The following PAK1 variants were observed in gnomAD, a reference collection of about 807,000 sequenced individuals.
PAK1 encodes serine/threonine-protein kinase PAK 1.
A neutral mutation model predicts 67.4 loss-of-function variants in PAK1; 29 were observed. The ratio of observed to expected loss-of-function variants is 0.43; its 90% CI spans 0.32 to 0.59. PAK1 has a LOEUF of 0.59. Among genes scored for constraint, PAK1 ranks in the 20% least tolerant of loss-of-function variants. The pLI, the probability that PAK1 is intolerant of heterozygous loss-of-function variation, is 0.07. For synonymous variants in PAK1, 223 were observed against 237.4 expected (o/e 0.94, Z 0.56); for missense variants, 337 against 670.7 (o/e 0.50, Z 5.50).
At chr11:77,355,566 G>A in intron 7 of PAK1, 102 bp downstream of exon 7, 1 of 919,606 alleles carries the variant, frequency 1.1e-6, no homozygotes, top group South Asian at 1.5e-5. Flanking sequence ...AAGGTACCAA[G>A]CATGGCCAGC....
At chr11:77,375,808 G>GA (rs1726544252) in intron 4 of PAK1, among the ~76,000 whole-genome samples, 1 of 152,084 alleles carries the variant, frequency 6.6e-6, no homozygotes, top group South Asian at 2.1e-4. Flanking sequence ...TAGAATTAAG[G>GA]AGGGGAAATA....
chr11:77,395,798 T>C (rs1226903795), intron 1 of PAK1, among the ~76,000 whole-genome samples: 1 of 152,230 alleles, frequency 6.6e-6, no homozygotes, highest in Non-Finnish European at 1.5e-5. Flanking sequence ...AGGACAATCT[T>C]GTTAATGCAG....
the PAK1 span, among the ~76,000 whole-genome samples, chr11:77,484,383 T>G: frequency 6.6e-6 from 1 of 152,288 alleles, no homozygotes; most frequent in African/African-American, 2.4e-5. Context: ...GATTGTTCAT[T>G]AAGCAATATA....
At chr11:77,482,471 C>A in the PAK1 span, among the ~76,000 whole-genome samples, 2 of 152,234 alleles carry the variant, frequency 1.3e-5, no homozygotes, top group East Asian at 1.9e-4. Context: ...GTGTCTCCAT[C>A]CTCCTCCAAA....
At chr11:77,458,765 G>C (rs760383227) in intron 1 of PAK1, among the ~76,000 whole-genome samples, 12 of 152,178 alleles carry the variant, frequency 7.9e-5, no homozygotes, top group Non-Finnish European at 2.9e-5. Flanking sequence ...AGGACGGAGA[G>C]AGTACTACGA....
intron 14 of PAK1, chr11:77,329,173 A>G (rs1940817009): frequency 6.6e-6 from 1 of 152,326 alleles, no homozygotes; most frequent in Admixed American, 6.5e-5. Flanking sequence ...GTCCAGGACC[A>G]GATGGATTCA....
chr11:77,485,842 C>G, the PAK1 span, among the ~76,000 whole-genome samples: 4 of 152,202 alleles, frequency 2.6e-5, no homozygotes, highest in Non-Finnish European at 4.4e-5. Context: ...CATTCTGATT[C>G]TTCGGTTGCA....
At chr11:77,383,222 G>C (rs893865382) in intron 2 of PAK1, among the ~76,000 whole-genome samples, 1 of 152,142 alleles carries the variant, frequency 6.6e-6, no homozygotes, top group South Asian at 2.1e-4. Flanking sequence ...GATTAGACGC[G>C]GAGTACAAGA....
At chr11:77,342,154 AC>A (rs562681267) in intron 10 of PAK1, among the ~76,000 whole-genome samples, 227 of 152,270 alleles carry the variant, frequency 1.5e-3, no homozygotes, top group Non-Finnish European at 2.3e-3. Flanking sequence ...TCTCACAAAA[AC>A]CACAGACCCT....
At chr11:77,490,926 G>C in the PAK1 span, among the ~76,000 whole-genome samples, 4 of 152,224 alleles carry the variant, frequency 2.6e-5, no homozygotes, top group African/African-American at 9.6e-5. Context: ...GATGCTTGAA[G>C]GCAGCGTGCT....
At chr11:77,416,528 G>A (rs1954962067) in intron 1 of PAK1, among the ~76,000 whole-genome samples, 1 of 152,096 alleles carries the variant, frequency 6.6e-6, no homozygotes, top group African/African-American at 2.4e-5. Flanking sequence ...CCTCCAAAAG[G>A]ACCTGCCTGA....
In PAK1 at chr11:77,337,396, A is replaced by T; in HGVS notation, c.1144T>A (p.Ser382Thr). 1.2e-6 allele frequency: 2 copies of T among 1,610,800 alleles called. No homozygotes were observed. Among genetic ancestry groups the T allele is most frequent in the Non-Finnish European group, 1.7e-6 (2 of 1,177,194 alleles). Residue 382 changes from serine to threonine, a missense_variant, in exon 12 of 15, where the codon TCG becomes ACG. Ser to Thr is a moderately conservative substitution (Grantham distance 58, BLOSUM62 1). Coordinates refer to ENST00000356341, the MANE Select transcript of PAK1 (RefSeq NM_002576.5). ...ATGTCTCTGTGAATGACCTGGTTCG[A>T]ATGCAAGAACTCCAGAGCCTGCAGA... ...ECLQALEFLHSNQVIHRDIKS... is the reference protein window; with the variant it reads ...ECLQALEFLHTNQVIHRDIKS...
At chr11:77,379,427 TCA>T (rs1275456796) in intron 3 of PAK1, 39 bp from the exon 4 acceptor site, 1 of 1,585,516 alleles carries the variant, frequency 6.3e-7, no homozygotes, top group Non-Finnish European at 8.6e-7. Flanking sequence ...GAAGGCACAG[TCA>T]CAGGGGAGCC....
At chr11:77,430,152 A>G (rs569556148) in intron 1 of PAK1, among the ~76,000 whole-genome samples, 1 of 152,130 alleles carries the variant, frequency 6.6e-6, no homozygotes, top group Admixed American at 6.5e-5. Context: ...GGTGCCAAAG[A>G]AAATACTCTT....
the PAK1 span, among the ~76,000 whole-genome samples, chr11:77,482,662 C>T: frequency 6.7e-6 from 1 of 149,654 alleles, no homozygotes; most frequent in African/African-American, 2.5e-5. Context: ...GGCATGATCT[C>T]GTCTCACTGC....
chr11:77,482,154 A>G, the PAK1 span, among the ~76,000 whole-genome samples: 1 of 151,648 alleles, frequency 6.6e-6, no homozygotes, highest in Admixed American at 6.6e-5. Context: ...ACGCCCAGTT[A>G]ATTTTTGTAT....
At chr11:77,474,472 A>G (rs1332126895), upstream of PAK1, 2 of 152,140 alleles carry the variant, frequency 1.3e-5, no homozygotes, top group East Asian at 1.9e-4. Context: ...CAGCCTTTCT[A>G]TCAGACAATT....
chr11:77,421,305 T>A (rs1438070148), intron 1 of PAK1, among the ~76,000 whole-genome samples: 1 of 152,192 alleles, frequency 6.6e-6, no homozygotes, highest in African/African-American at 2.4e-5. Context: ...ACATTTCCCC[T>A]CAGATAACCA....
intron 1 of PAK1, chr11:77,473,334 G>C (rs1317585719): frequency 6.7e-6 from 1 of 149,528 alleles, no homozygotes; most frequent in East Asian, 2.0e-4. Context: ...CCGCGACCCC[G>C]CCGGTACGCG....
Sources: allele counts gnomAD v4.1 joint callset (sites outside exome capture counted in the v4.1 genomes callset), GRCh38; gene constraint gnomAD v4.1.1; transcripts MANE v1.5; gene names NCBI Gene and HGNC (gene_info 2026-07-23, HGNC 2026-07-21).